Variants in IGSF9B observed in about 807,000 individuals in gnomAD.
The protein encoded by IGSF9B is protein turtle homolog B.
A neutral mutation model predicts 143.7 loss-of-function variants in IGSF9B; 48 were observed. That is an observed-to-expected ratio of 0.33 (90% confidence interval 0.26 to 0.42). The LOEUF is 0.42. Ranked by LOEUF, IGSF9B falls within the 20% of genes least tolerant of loss-of-function variation. IGSF9B has a pLI of 1.00. For missense variants in IGSF9B, 1,706 were observed against 1,980.0 expected, an observed-to-expected ratio of 0.86 and a Z score of 2.63; for synonymous variants, 903 against 833.1, an observed-to-expected ratio of 1.08 and a Z score of -1.44.
Position 133,919,745 on chromosome 11 carries a change from G to T in IGSF9B, c.3980C>A (p.Ser1327Ter), listed in dbSNP as rs1294251482. The change falls in exon 18 of 20, where the codon TCA becomes TAA. Residue 1327 changes from serine to a stop codon, truncating the protein, a stop_gained. Coordinates refer to ENST00000533871, the MANE Select transcript of IGSF9B (RefSeq NM_001277285.4). LOFTEE classifies it high-confidence loss of function. ...GCGGAAGAGGCGGCGCACTCACCCT[G>T]AAGTAGGTAACGTGGGTGGTGGGGT... ...PETPPPTLPT[S>*]GTLPPAPGNA... The T allele has an allele frequency of 6.9e-7, 1 of 1,455,642 alleles. No homozygotes were observed. The allele number at this position is 1,455,642 out of a possible 1,614,324, so 90.2% of individuals were successfully genotyped here.
intron 1 of IGSF9B, among the ~76,000 whole-genome samples, chr11:133,952,747 A>G (rs1007825054): frequency 2.0e-5 from 3 of 151,742 alleles, no homozygotes; most frequent in African/African-American, 7.3e-5. Flanking sequence ...GCACACACAT[A>G]TGTACACATA....
In IGSF9B at chr11:133,913,999, C is replaced by T. The variant is rs995094940; in HGVS notation, c.3984-1992G>A. On this transcript the variant is annotated intron_variant, in intron 18 of 19. Coordinates refer to ENST00000533871, the MANE Select transcript of IGSF9B (RefSeq NM_001277285.4). The surrounding 1 kb of genome is among the most constrained non-coding windows in gnomAD (Gnocchi z 4.6). ...GTCATCCAGGGCGACCGCTGGGGCACGAGAGAAACCGGTACAGGGTGCCCT... is the reference window on the plus strand; with the variant it reads ...GTCATCCAGGGCGACCGCTGGGGCATGAGAGAAACCGGTACAGGGTGCCCT... Among the ~76,000 whole-genome samples the T allele has an allele frequency of 5.9e-5, 9 of 152,118 alleles. No individual in the cohort carries two copies. Among genetic ancestry groups the T allele is most frequent in the African/African-American group, 2.2e-4 (9 of 41,398 alleles).
chr11:133,919,951 G>T lies in IGSF9B; in HGVS notation c.3774C>A (p.Pro1258=), dbSNP rs367790891. 1 of 1,560,338 alleles carries T rather than the reference G, an allele frequency of 6.4e-7. No individual in the cohort carries two copies. The highest frequency in any genetic ancestry group is 8.7e-7 in the Non-Finnish European group (1 of 1,152,296). The change falls in exon 18 of 20, where the codon CCC becomes CCA. Residue 1258 remains proline (P), a synonymous_variant. Coordinates refer to ENST00000533871, the MANE Select transcript of IGSF9B (RefSeq NM_001277285.4). ...GACTCCCACTGCGGCTGCTCTGGGA[G>T]GGGGAGCCTGTGGACGGCGTAGACT... ...SRKSTPSTGS[P]SQSSRSGSPS... is the part of the protein sequence containing the mutation.
chr11:133,912,671 ACAGGAGAAAGTGG>A (rs1939320028), intron 18 of IGSF9B, among the ~76,000 whole-genome samples: 1 of 152,236 alleles, frequency 6.6e-6, no homozygotes, highest in African/African-American at 2.4e-5. Flanking sequence ...ATGTAAGAGA[ACAGGAGAAAGTGG>A]CAGGAGATAA....
intron 18 of IGSF9B, among the ~76,000 whole-genome samples, chr11:133,917,743 A>G (rs1216256735): frequency 6.6e-6 from 1 of 152,090 alleles, no homozygotes; most frequent in Non-Finnish European, 1.5e-5. Flanking sequence ...GAGAGAGCCT[A>G]ATACCACGAA....
At position 133,913,907 on chromosome 11, in the gene IGSF9B, G is replaced by A. The variant is rs1939338622; in HGVS notation, c.3984-1900C>T. Among the ~76,000 whole-genome samples the A allele has an allele frequency of 2.6e-5, 4 of 152,178 alleles. No homozygotes were observed. In the South Asian group the frequency reaches 8.3e-4, roughly 32 times the overall value. On this transcript the variant is annotated intron_variant, in intron 18 of 19. Coordinates refer to ENST00000533871, the MANE Select transcript of IGSF9B (RefSeq NM_001277285.4). This position sits in a 1 kb window ranked among gnomAD's most constrained non-coding sequence, Gnocchi z 4.6. Reference sequence around the variant, plus strand: ...TGTCTCCTGGCCGGCCTCTTCAGGAGGACCACACAGGGTGAGCGACGTGTG... The same window carrying A: ...TGTCTCCTGGCCGGCCTCTTCAGGAAGACCACACAGGGTGAGCGACGTGTG...
At chr11:133,921,485 C>T in intron 17 of IGSF9B, 88 bp from the exon 18 acceptor site, 1 of 1,018,008 alleles carries the variant, frequency 9.8e-7, no homozygotes, top group East Asian at 2.6e-5. Context: ...AACCACCCAG[C>T]ACCCAGGATC....
In IGSF9B at chr11:133,920,220, G is replaced by T; in HGVS notation, c.3505C>A (p.Arg1169=). ...GGCCGGGGCTGGGGCTCATACCACC[G>T]GGTGTCCAGGCCAAATGTGCTGGGG... ...GGPSTFGLDT[R]WYEPQPRPRP... is the part of the protein sequence containing the mutation. Residue 1169 remains arginine, a synonymous_variant, in exon 18 of 20, where the codon CGG becomes AGG. Coordinates refer to ENST00000533871, the MANE Select transcript of IGSF9B (RefSeq NM_001277285.4). The T allele has an allele frequency of 6.6e-7, 1 of 1,515,570 alleles. No individual in the cohort carries two copies. Among genetic ancestry groups the T allele is most frequent in the South Asian group, 1.3e-5 (1 of 75,208 alleles). 93.9% of individuals were successfully genotyped at this position (1,515,570 alleles called of 1,614,324 possible).
At position 133,921,268 on chromosome 11, in the gene IGSF9B, C is replaced by T. The variant is rs181497989; in HGVS notation, c.2457G>A (p.Leu819=). ...LSPTREKELS[L]YKKTKRAISS... The stretch of plus-strand genomic sequence containing the variant: ...TGATGGCCCGCTTGGTCTTCTTGTA[C>T]AGCGACAGCTCCTTCTCACGGGTGG... Residue 819 remains leucine, a synonymous_variant, in exon 18 of 20, where the codon CTG becomes CTA. Coordinates refer to ENST00000533871, the MANE Select transcript of IGSF9B (RefSeq NM_001277285.4). The T allele has an allele frequency of 6.0e-3, 9,709 of 1,611,324 alleles. 38 individuals are homozygous for T. Among genetic ancestry groups the T allele is most frequent in the Non-Finnish European group, 7.5e-3 (8,837 of 1,179,190 alleles).
rs1168158599 is a variant in IGSF9B at position 133,923,244 on chromosome 11, G to T, written c.2120-514C>A. On this transcript the variant is annotated intron_variant, in intron 15 of 19. Transcript: ENST00000533871. The stretch of plus-strand genomic sequence containing the variant: ...GCCTCACACCAGTGTCTCTACAAAA[G>T]GAGAGCCCAGGTGTGAAGGCAACTT... Among the ~76,000 whole-genome samples, 3 of 152,216 alleles carry T rather than the reference G, an allele frequency of 2.0e-5. No homozygotes were observed. The East Asian group carries it at 5.8e-4, about 29-fold the overall frequency.
intron 18 of IGSF9B, chr11:133,918,993 G>A (rs775980946): frequency 4.2e-6 from 2 of 478,978 alleles, no homozygotes; most frequent in South Asian, 3.1e-5. Flanking sequence ...GAGAGAAGAA[G>A]AGGCACAGGC....
chr11:133,921,269 A>G lies in IGSF9B; in HGVS notation c.2456T>C (p.Leu819Pro). ...GATGGCCCGCTTGGTCTTCTTGTAC[A>G]GCGACAGCTCCTTCTCACGGGTGGG... ...LSPTREKELS[L>P]YKKTKRAISS... The change falls in exon 18 of 20, where the codon CTG becomes CCG. Residue 819 changes from leucine to proline, a missense_variant. By Grantham distance (98) the Leu-to-Pro change is moderately conservative. Coordinates refer to ENST00000533871, the MANE Select transcript of IGSF9B (RefSeq NM_001277285.4). The G allele has an allele frequency of 1.2e-6, 2 of 1,611,312 alleles. No individual in the cohort carries two copies. Among genetic ancestry groups the G allele is most frequent in the Non-Finnish European group, 1.7e-6 (2 of 1,179,146 alleles).
intron 11 of IGSF9B, 39 bp from the exon 12 acceptor site, chr11:133,929,821 T>A: frequency 7.1e-7 from 1 of 1,413,584 alleles, no homozygotes; most frequent in Non-Finnish European, 1.0e-6. Context: ...TGAAAAGAAC[T>A]CAGCCACGTG....
chr11:133,948,256 T>C lies in IGSF9B; in HGVS notation c.65-1998A>G, dbSNP rs1565450719. ...TCTCCCCCTCCCCCTCCCCTGCAAG[T>C]TGCGGAAGAGGGAGGAGGCAAGCCC... On this transcript the variant is annotated intron_variant, in intron 1 of 19. Coordinates refer to ENST00000533871, the MANE Select transcript of IGSF9B (RefSeq NM_001277285.4). This position sits in a 1 kb window ranked among gnomAD's most constrained non-coding sequence, Gnocchi z 4.7. Among the ~76,000 whole-genome samples the C allele has an allele frequency of 6.6e-6, 1 of 152,124 alleles. No individual in the cohort carries two copies. Among genetic ancestry groups the C allele is most frequent in the Non-Finnish European group, 1.5e-5 (1 of 68,014 alleles).
In IGSF9B at chr11:133,899,535, A is replaced by T. The variant is rs1001980400; in HGVS notation, c.*9534T>A. On this transcript the variant is annotated 3_prime_UTR_variant, in exon 20 of 20. Coordinates refer to ENST00000533871, the MANE Select transcript of IGSF9B (RefSeq NM_001277285.4). ...TCCCCAAAATGAAGAGTCCTGTTGG[A>T]GGCTGAGGAATAGAATGGTGACATG... 2.6e-5 allele frequency: 4 copies of T among 152,378 alleles called. No homozygotes were observed. Among genetic ancestry groups the T allele is most frequent in the African/African-American group, 9.7e-5 (4 of 41,444 alleles). The allele number at this position is 152,378 out of a possible 1,614,324, so 9.4% of individuals were successfully genotyped here. A position where few individuals can be genotyped will look rare whatever the true frequency, so the allele number is the denominator to read the frequency against.
intron 5 of IGSF9B, 132 bp from the exon 6 acceptor site, chr11:133,936,326 C>T (rs1190564538): frequency 1.3e-6 from 1 of 769,378 alleles, no homozygotes; most frequent in African/African-American, 1.7e-5. Context: ...GTCATGGAGA[C>T]ACTTCCAGAT....
chr11:133,919,258 G>A (rs1939461036), intron 18 of IGSF9B, among the ~76,000 whole-genome samples: 1 of 152,240 alleles, frequency 6.6e-6, no homozygotes, highest in African/African-American at 2.4e-5. Context: ...GGAACAGGAG[G>A]CCCCTGGCCT....
rs193237713 is a variant in IGSF9B at position 133,906,083 on chromosome 11, G to T, written c.*2986C>A. 6.6e-6 allele frequency among the ~76,000 whole-genome samples: 1 copy of T among 152,228 alleles called. No homozygotes were observed. Among genetic ancestry groups the T allele is most frequent in the South Asian group, 2.1e-4 (1 of 4,826 alleles). On this transcript the variant is annotated 3_prime_UTR_variant, in exon 20 of 20. Transcript: ENST00000533871. ...GTGTCTACTGCAAGGCCGCCAGACC[G>T]TAAAAGGGGAAGTTTGGAAGGCGTG...
rs138072592 is a variant in IGSF9B at position 133,909,085 on chromosome 11, T to C, written c.4298A>G (p.His1433Arg). 4.3e-3 allele frequency: 6,659 copies of C among 1,535,838 alleles called. 85 individuals carry two copies. Among genetic ancestry groups the C allele is most frequent in the South Asian group, 0.036 (3,009 of 84,040 alleles). The stretch of plus-strand genomic sequence containing the variant: ...GGGGTGGAGTCACAGCAAAGTGGCA[T>C]GTCCTGGGTCATCGTGGTCCACACT... ...LNSVDHDDPGHATLL is the reference protein window; with the variant it reads ...LNSVDHDDPGRATLL Residue 1433 changes from histidine to arginine, a missense_variant, in exon 20 of 20, where the codon CAT (histidine) becomes CGT (arginine). Transcript: ENST00000533871. The surrounding 1 kb of genome is among the most constrained non-coding windows in gnomAD (Gnocchi z 4.2).
Sources: gnomAD v4.1 joint callset for allele counts (sites outside exome capture counted in the v4.1 genomes callset) on GRCh38, gnomAD v4.1.1 for gene constraint, Gnocchi (gnomAD v3.1) non-coding constraint, MANE v1.5 for transcripts, NCBI Gene and HGNC (gene_info 2026-07-23, HGNC 2026-07-21) for gene names.